The following MEF2C variants were observed in gnomAD, a reference collection of about 807,000 sequenced individuals.
MEF2C encodes the protein myocyte-specific enhancer factor 2C.
MEF2C carries 6 observed loss-of-function variants against 50.5 expected under a neutral mutation model. That is an observed-to-expected ratio of 0.12 (90% CI 0.07 to 0.23). MEF2C has a LOEUF of 0.23. MEF2C is among the 10% of genes least tolerant of loss of function. The pLI, the probability that MEF2C is intolerant of heterozygous loss-of-function variation, is 1.00. For synonymous variants in MEF2C, 183 were observed against 228.0 expected (o/e 0.80, Z 1.78); for missense variants, 276 against 605.0 (o/e 0.46, Z 5.70).
intron 1 of MEF2C, among the ~76,000 whole-genome samples, chr5:88,837,397 C>A (rs1473579963): frequency 6.6e-6 from 1 of 152,024 alleles, no homozygotes; most frequent in Non-Finnish European, 1.5e-5. Context: ...ATTATTTTGC[C>A]ATTAAAGAGT....
At chr5:88,844,432 C>T (rs754611642) in intron 1 of MEF2C, among the ~76,000 whole-genome samples, 7 of 152,144 alleles carry the variant, frequency 4.6e-5, no homozygotes, top group Non-Finnish European at 7.3e-5. Flanking sequence ...AATCAGTTGA[C>T]AGTGACATAC....
intron 1 of MEF2C, among the ~76,000 whole-genome samples, chr5:88,842,253 T>C (rs1026924599): frequency 1.3e-5 from 2 of 152,130 alleles, no homozygotes; most frequent in African/African-American, 4.8e-5. Flanking sequence ...TTCCTACCTG[T>C]ATTTGGGTGC....
intron 9 of MEF2C, 122 bp downstream of exon 9, chr5:88,729,096 C>A: frequency 2.2e-5 from 23 of 1,028,662 alleles, no homozygotes; most frequent in Non-Finnish European, 3.2e-5. Context: ...GGTAATGCTG[C>A]AGTGCTGTGG....
chr5:88,809,004 C>G (rs1801664272), intron 2 of MEF2C, among the ~76,000 whole-genome samples: 2 of 152,090 alleles, frequency 1.3e-5, no homozygotes, highest in Non-Finnish European at 2.9e-5. Context: ...TTACATAAGT[C>G]AACATGTTAT....
chr5:88,743,829 G>C (rs1768033899), intron 6 of MEF2C: 2 of 984,088 alleles, frequency 2.0e-6, no homozygotes, highest in Admixed American at 6.2e-5. Context: ...GCATAAAATA[G>C]TCAACAATTA....
At chr5:88,734,870 T>C in intron 6 of MEF2C, 1 of 977,870 alleles carries the variant, frequency 1.0e-6, no homozygotes, top group Non-Finnish European at 1.2e-6. Flanking sequence ...GTAAAATATT[T>C]TGAACCATGA....
chr5:88,769,654 T>C (rs968673103), intron 3 of MEF2C, among the ~76,000 whole-genome samples: 1 of 152,150 alleles, frequency 6.6e-6, no homozygotes, highest in Admixed American at 6.5e-5. Context: ...CTATAGTTGT[T>C]GTTGTTGTTA....
chr5:88,863,362 T>C (rs1826127821), intron 1 of MEF2C, among the ~76,000 whole-genome samples: 1 of 152,254 alleles, frequency 6.6e-6, no homozygotes, highest in Non-Finnish European at 1.5e-5. Flanking sequence ...GATGTGTTAA[T>C]AAATTTATAC....
chr5:88,848,822 C>T (rs953956517), intron 1 of MEF2C, among the ~76,000 whole-genome samples: 1 of 152,070 alleles, frequency 6.6e-6, no homozygotes, highest in Non-Finnish European at 1.5e-5. Context: ...TTGGATGACA[C>T]AAAGATTCTT....
chr5:88,816,411 T>G lies in MEF2C; in HGVS notation c.54+7324A>C, dbSNP rs989461385. Among the ~76,000 whole-genome samples, 5 of 150,594 alleles carry G rather than the reference T, an allele frequency of 3.3e-5. No homozygotes were observed. The East Asian group carries it at 9.8e-4, about 30-fold the overall frequency. On this transcript the variant is annotated intron_variant, in intron 2 of 10. Coordinates refer to ENST00000504921, the MANE Select transcript of MEF2C (RefSeq NM_002397.5). ...AAATTGCTAAGGGATAAAATGGAAATGAATGGCCTGAGGCCACAGCTGTTA... is the reference window on the plus strand; with the variant it reads ...AAATTGCTAAGGGATAAAATGGAAAGGAATGGCCTGAGGCCACAGCTGTTA...
intron 4 of MEF2C, among the ~76,000 whole-genome samples, chr5:88,755,236 T>G (rs1039172123): frequency 6.6e-6 from 1 of 152,230 alleles, no homozygotes; most frequent in African/African-American, 2.4e-5. Flanking sequence ...TTCTATTTAC[T>G]GTATATTACT....
In MEF2C at chr5:88,756,788, ATT is replaced by A. The variant is rs55995057; in HGVS notation, c.402+4395_402+4396del. 8.3e-3 allele frequency among the ~76,000 whole-genome samples: 1,243 copies of A among 149,454 alleles called. 6 individuals carry two copies. Among genetic ancestry groups the A allele is most frequent in the Non-Finnish European group, 0.013 (863 of 67,288 alleles). Reference sequence around the variant, plus strand: ...ACTTGAAAGCATCTACATTTAAACAATTTTTTTTTTTTGTCTAAAAAATGAAA... The same window carrying A: ...ACTTGAAAGCATCTACATTTAAACAATTTTTTTTTTGTCTAAAAAATGAAA... On this transcript the variant is annotated intron_variant, in intron 4 of 10. Transcript: ENST00000504921.
intron 3 of MEF2C, among the ~76,000 whole-genome samples, chr5:88,790,902 AC>A (rs1405746958): frequency 2.0e-5 from 3 of 151,982 alleles, no homozygotes; most frequent in Non-Finnish European, 4.4e-5. Flanking sequence ...ACAAAAACAA[AC>A]CCCCCAAAAC....
At chr5:88,820,649 T>G (rs566205331) in intron 2 of MEF2C, among the ~76,000 whole-genome samples, 71 of 152,122 alleles carry the variant, frequency 4.7e-4, no homozygotes, top group Middle Eastern at 3.4e-3. Context: ...CAGTGAGCCA[T>G]TGCATGAGGT....
intron 6 of MEF2C, chr5:88,733,744 A>T: frequency 1.0e-6 from 1 of 985,330 alleles, no homozygotes; most frequent in Non-Finnish European, 1.2e-6. Flanking sequence ...AAGTCTGTCA[A>T]TTGGATTATG....
chr5:88,757,022 A>G (rs1489474438), intron 4 of MEF2C, among the ~76,000 whole-genome samples: 2 of 152,218 alleles, frequency 1.3e-5, no homozygotes, highest in African/African-American at 4.8e-5. Context: ...CTTCAAGACA[A>G]TGACAGCAGA....
At chr5:88,738,383 T>C in intron 6 of MEF2C, 1 of 984,706 alleles carries the variant, frequency 1.0e-6, no homozygotes, top group Non-Finnish European at 1.2e-6. Context: ...AACTGCTATG[T>C]AAGTGCTAGA....
intron 1 of MEF2C, chr5:88,839,664 A>C (rs1406228945): frequency 6.6e-6 from 1 of 151,790 alleles, no homozygotes; most frequent in Non-Finnish European, 1.5e-5. Flanking sequence ...TATATGCTAA[A>C]AAAGCGGACA....
At chr5:88,885,552 A>G (rs949800199), upstream of MEF2C, among the ~76,000 whole-genome samples, 2 of 152,220 alleles carry the variant, frequency 1.3e-5, no homozygotes, top group African/African-American at 4.8e-5. Context: ...CCATGAATTC[A>G]TTTTAATAAT....
Sources: gnomAD v4.1 joint callset for allele counts (sites outside exome capture counted in the v4.1 genomes callset) on GRCh38, gnomAD v4.1.1 for gene constraint, MANE v1.5 for transcripts, NCBI Gene and HGNC (gene_info 2026-07-23, HGNC 2026-07-21) for gene names.